TRPC5: variants seen among roughly 807,000 people sequenced by gnomAD.
The protein encoded by TRPC5 is transient receptor potential cation channel subfamily C member 5, also known as short transient receptor potential channel 5.
TRPC5 carries 9 observed loss-of-function variants against 56.5 expected under a neutral mutation model. That is an observed-to-expected ratio of 0.16 (90% CI 0.10 to 0.28). TRPC5 has a LOEUF of 0.28. Ranked by LOEUF, TRPC5 falls within the 10% of genes least tolerant of loss-of-function variation. The probability of loss-of-function intolerance (pLI) is 1.00; values close to 1 mark genes in which losing one functional copy is unlikely to be tolerated. For synonymous variants in TRPC5, 282 were observed against 278.5 expected, an observed-to-expected ratio of 1.01 and a Z score of -0.13; for missense variants, 469 against 748.9, an observed-to-expected ratio of 0.63 and a Z score of 4.36.
intron 1 of TRPC5, among the ~76,000 whole-genome samples, chrX:111,953,290 A>G (rs765961010): frequency 1.9e-4 from 21 of 112,314 alleles, no homozygotes; most frequent in Non-Finnish European, 3.2e-4. Flanking sequence ...TTTTATTTGT[A>G]TCATACCTAA....
At chrX:111,799,612 G>A (rs907356682) in intron 7 of TRPC5, among the ~76,000 whole-genome samples, 1 of 111,390 alleles carries the variant, frequency 9.0e-6, no homozygotes, top group Non-Finnish European at 1.9e-5. Context: ...CACCATTGAG[G>A]ATGCCACCTT....
intron 7 of TRPC5, among the ~76,000 whole-genome samples, chrX:111,812,793 G>T (rs1180221221): frequency 1.8e-5 from 2 of 112,388 alleles, no homozygotes; most frequent in East Asian, 2.8e-4. Flanking sequence ...TGTGTTGATT[G>T]TCTGCCAGAT....
chrX:112,038,996 G>A (rs1293514992), intron 1 of TRPC5, among the ~76,000 whole-genome samples: 1 of 110,297 alleles, frequency 9.1e-6, no homozygotes, highest in Non-Finnish European at 1.9e-5. Context: ...AGCCTATGGG[G>A]CCTCACTTTT....
At chrX:111,777,034 GA>G in intron 10 of TRPC5, 32 bp from the exon 11 acceptor site, 2 of 1,078,776 alleles carry the variant, frequency 1.9e-6, no homozygotes, top group Non-Finnish European at 2.4e-6. Flanking sequence ...ATTATGTCAA[GA>G]AGCTTGGTCT....
intron 1 of TRPC5, among the ~76,000 whole-genome samples, chrX:112,042,249 A>C (rs190710065): frequency 3.9e-4 from 43 of 111,630 alleles, no homozygotes; most frequent in Non-Finnish European, 5.8e-4. Flanking sequence ...TGTTGCAATC[A>C]AGTTTCCCAA....
intron 1 of TRPC5, among the ~76,000 whole-genome samples, chrX:112,023,448 G>A (rs1463079138): frequency 1.8e-5 from 2 of 108,317 alleles, no homozygotes; most frequent in Non-Finnish European, 3.8e-5. Context: ...GTGACTTGCA[G>A]CAATGTTGGT....
At chrX:111,904,913 C>G (rs1361543578) in intron 3 of TRPC5, among the ~76,000 whole-genome samples, 1 of 110,430 alleles carries the variant, frequency 9.1e-6, no homozygotes, top group Non-Finnish European at 1.9e-5. Context: ...TCTTATTCTA[C>G]TTCATGCCAA....
At chrX:111,854,714 G>A (rs1923176858) in intron 3 of TRPC5, among the ~76,000 whole-genome samples, 1 of 112,174 alleles carries the variant, frequency 8.9e-6, no homozygotes, top group Non-Finnish European at 1.9e-5. Context: ...CCTGTAGCTA[G>A]GGTTTGAAAT....
intron 1 of TRPC5, among the ~76,000 whole-genome samples, chrX:112,044,841 T>C (rs998119537): frequency 1.8e-5 from 2 of 111,926 alleles, no homozygotes; most frequent in Non-Finnish European, 3.8e-5. Flanking sequence ...GCCTTTTAAC[T>C]GTTTGCTGGA....
chrX:111,768,653 T>C lies in TRPC5; in HGVS notation c.*7660A>G, dbSNP rs951045523. On this transcript the variant is annotated 3_prime_UTR_variant, in exon 11 of 11. Transcript: ENST00000262839. Reference sequence around the variant, plus strand: ...AGATAAGATACAGCTTTACTTTTACTTTGTTAAGGTAGTAATTTGAACACT... The same window carrying C: ...AGATAAGATACAGCTTTACTTTTACCTTGTTAAGGTAGTAATTTGAACACT... 2.7e-5 allele frequency among the ~76,000 whole-genome samples: 3 copies of C among 112,154 alleles called. No individual in the cohort carries two copies. The highest frequency in any genetic ancestry group is 9.7e-5 in the African/African-American group (3 of 30,871).
At chrX:111,963,677 G>A (rs1927464729) in intron 1 of TRPC5, among the ~76,000 whole-genome samples, 1 of 111,773 alleles carries the variant, frequency 8.9e-6, no homozygotes, top group Admixed American at 9.5e-5. Context: ...AATATCCGCT[G>A]TTCTACAGCC....
At chrX:112,066,214 T>A (rs1930579905) in intron 1 of TRPC5, among the ~76,000 whole-genome samples, 1 of 110,397 alleles carries the variant, frequency 9.1e-6, no homozygotes, top group Non-Finnish European at 1.9e-5. Context: ...TAGCACAGAA[T>A]CATCTACAGT....
chrX:111,969,034 A>AAAT, intron 1 of TRPC5, among the ~76,000 whole-genome samples: 1 of 108,779 alleles, frequency 9.2e-6, no homozygotes, highest in East Asian at 2.8e-4. Flanking sequence ...AACAACAAAA[A>AAAT]AAATAAATAA....
chrX:112,006,862 G>T (rs968780674), intron 1 of TRPC5, among the ~76,000 whole-genome samples: 2 of 111,652 alleles, frequency 1.8e-5, no homozygotes, highest in African/African-American at 3.3e-5. Flanking sequence ...TACATAATTT[G>T]CAGGGCCCAG....
intron 2 of TRPC5, among the ~76,000 whole-genome samples, chrX:111,949,527 G>A (rs775803713): frequency 3.6e-5 from 4 of 111,675 alleles, no homozygotes; most frequent in Admixed American, 9.5e-5. Context: ...CAAAAAGTGG[G>A]CTAAGGACCT....
chrX:111,894,182 G>A (rs777593128), intron 3 of TRPC5, among the ~76,000 whole-genome samples: 1 of 111,295 alleles, frequency 9.0e-6, no homozygotes, highest in East Asian at 2.8e-4. Flanking sequence ...CCTTGGATAT[G>A]AACTAATTTA....
chrX:111,904,619 G>A (rs183146735), intron 3 of TRPC5, among the ~76,000 whole-genome samples: 1,603 of 110,361 alleles, frequency 0.015, 24 homozygotes, highest in African/African-American at 0.05. Flanking sequence ...AGCAACACAC[G>A]CTGGGGCCTG....
At position 111,776,922 on chromosome X, in the gene TRPC5, G is replaced by A. The variant is rs201972199; in HGVS notation, c.2313C>T (p.Ser771=). ...LGNRKHPRSF[S]TSSTELSQRD... is the part of the protein sequence containing the mutation. ...TCTGAGACAGTTCAGTGCTGCTAGT[G>A]GAAAAGCTCCTTGGATGTTTTCTAT... Residue 771 remains serine, a synonymous_variant, in exon 11 of 11, where the codon TCC becomes TCT. Transcript: ENST00000262839. 8 of 1,194,147 alleles carry A rather than the reference G, an allele frequency of 6.7e-6. No homozygotes were observed. The East Asian group carries it at 2.1e-4, about 31-fold the overall frequency.
At chrX:111,784,575 C>T (rs1460267147) in intron 7 of TRPC5, among the ~76,000 whole-genome samples, 1 of 111,905 alleles carries the variant, frequency 8.9e-6, no homozygotes, top group Non-Finnish European at 1.9e-5. Context: ...ACTGGTTGGA[C>T]AGTGGGTGCA....
Sources: allele counts gnomAD v4.1 joint callset (sites outside exome capture counted in the v4.1 genomes callset), GRCh38; gene constraint gnomAD v4.1.1; transcripts MANE v1.5; gene names NCBI Gene and HGNC (gene_info 2026-07-23, HGNC 2026-07-21).